The following NTM variants were observed in gnomAD, a reference collection of about 807,000 sequenced individuals.
The protein encoded by NTM is neurotrimin.
Under a neutral mutation model 42.1 loss-of-function variants are expected in NTM, and 13 were observed. The ratio of observed to expected loss-of-function variants is 0.31; its 90% CI spans 0.20 to 0.49. The LOEUF is 0.49. NTM is among the 20% of genes least tolerant of loss of function. The pLI, the probability that NTM is intolerant of heterozygous loss-of-function variation, is 0.99. For missense variants in NTM, 373 were observed against 452.8 expected (o/e 0.82, Z 1.60); for synonymous variants, 187 against 179.2 (o/e 1.04, Z -0.35).
intron 2 of NTM, among the ~76,000 whole-genome samples, chr11:131,949,874 C>G (rs1443593319): frequency 6.6e-6 from 1 of 151,078 alleles, no homozygotes; most frequent in Non-Finnish European, 1.5e-5. Context: ...ATCCATTCAT[C>G]CTATTGAGAC....
At chr11:131,718,347 C>T (rs572225548) in intron 1 of NTM, among the ~76,000 whole-genome samples, 1 of 152,246 alleles carries the variant, frequency 6.6e-6, no homozygotes, top group South Asian at 2.1e-4. Flanking sequence ...CTTACAAGTG[C>T]CTTTGTGGAA....
rs189095168 is a variant in NTM, at chr11:131,956,180, G to T, written c.167+44532G>T. On this transcript the variant is annotated intron_variant, in intron 2 of 8. Transcript: ENST00000683400. The stretch of plus-strand genomic sequence containing the variant: ...CCCAGTCAGGGCCAGGCGCAGAGAC[G>T]TGGGGAATGCCACGTGCTGATTTCT... Among the ~76,000 whole-genome samples the T allele has an allele frequency of 4.5e-3, 679 of 152,274 alleles. 6 individuals are homozygous for T. Among genetic ancestry groups the T allele is most frequent in the African/African-American group, 0.014 (587 of 41,568 alleles).
chr11:132,174,055 C>T (rs2076459038), intron 3 of NTM, among the ~76,000 whole-genome samples: 1 of 152,154 alleles, frequency 6.6e-6, no homozygotes. Context: ...CCCTGATAGG[C>T]TGCCTTCAAC....
intron 2 of NTM, among the ~76,000 whole-genome samples, chr11:132,142,337 T>A (rs185658121): frequency 6.6e-6 from 1 of 152,196 alleles, no homozygotes; most frequent in East Asian, 1.9e-4. Flanking sequence ...TTAACCACCA[T>A]CCTGAGAGAG....
intron 1 of NTM, among the ~76,000 whole-genome samples, chr11:131,616,778 G>GTGTGTGTGTGTGTGTGTGTGTGT (rs1555166353): frequency 7.0e-6 from 1 of 141,882 alleles, no homozygotes; most frequent in African/African-American, 2.7e-5. Context: ...GTCTTGAGGG[G>GTGTGTGTGTGTGTGTGTGTGTGT]GTGTGTGTGT....
chr11:132,324,454 C>A, intron 7 of NTM, among the ~76,000 whole-genome samples: 1 of 150,870 alleles, frequency 6.6e-6, no homozygotes. Context: ...ACCTAGGAAT[C>A]CAACTTACAA....
intron 1 of NTM, among the ~76,000 whole-genome samples, chr11:131,448,040 C>A (rs1017254516): frequency 2.0e-5 from 3 of 152,250 alleles, no homozygotes; most frequent in African/African-American, 7.2e-5. Flanking sequence ...GTTGCACCCC[C>A]ACCCTGCCCT....
intron 1 of NTM, among the ~76,000 whole-genome samples, chr11:131,419,949 T>C (rs894597275): frequency 1.3e-5 from 2 of 152,156 alleles, no homozygotes; most frequent in African/African-American, 2.4e-5. Context: ...AGGATTCTGC[T>C]AGGCAGCCAT....
chr11:131,391,644 G>GAAAAAAAAAAAAAAA (rs5795723), intron 1 of NTM, among the ~76,000 whole-genome samples: 15 of 81,550 alleles, frequency 1.8e-4, no homozygotes, highest in East Asian at 7.2e-4. Context: ...TTTTATCTGG[G>GAAAAAAAAAAAAAAA]AAAAAAAAAA....
chr11:132,169,829 A>G (rs1046874190), intron 3 of NTM, among the ~76,000 whole-genome samples: 8 of 152,130 alleles, frequency 5.3e-5, no homozygotes, highest in Admixed American at 1.3e-4. Flanking sequence ...AGCTGTGCCT[A>G]TCTCCCTGTC....
intron 2 of NTM, among the ~76,000 whole-genome samples, chr11:132,013,324 G>A (rs1326386841): frequency 2.6e-5 from 4 of 152,140 alleles, no homozygotes; most frequent in African/African-American, 9.7e-5. Flanking sequence ...GAACTGAAAA[G>A]AAGCCGTTAA....
At chr11:132,015,207 G>C (rs1245612328) in intron 2 of NTM, among the ~76,000 whole-genome samples, 1 of 151,644 alleles carries the variant, frequency 6.6e-6, no homozygotes, top group African/African-American at 2.4e-5. Flanking sequence ...GCCATAAATG[G>C]GTGGATTTAT....
At chr11:131,975,506 C>G (rs956115708) in intron 2 of NTM, among the ~76,000 whole-genome samples, 1 of 151,968 alleles carries the variant, frequency 6.6e-6, no homozygotes, top group Non-Finnish European at 1.5e-5. Flanking sequence ...AAAGCCTAGT[C>G]TTCTAGATTT....
chr11:132,226,557 G>GT (rs1473097141), intron 4 of NTM, among the ~76,000 whole-genome samples: 4 of 152,002 alleles, frequency 2.6e-5, no homozygotes, highest in African/African-American at 9.7e-5. Context: ...TGATGGGGTT[G>GT]TTTTTTTCTT....
chr11:131,923,282 T>C (rs1486507557), intron 2 of NTM, among the ~76,000 whole-genome samples: 2 of 152,250 alleles, frequency 1.3e-5, no homozygotes, highest in Non-Finnish European at 2.9e-5. Context: ...CTCTCATTTA[T>C]AGTGATTACA....
At chr11:131,876,079 A>G (rs539656058) in intron 1 of NTM, among the ~76,000 whole-genome samples, 2 of 152,334 alleles carry the variant, frequency 1.3e-5, no homozygotes, top group South Asian at 4.1e-4. Context: ...GAAGGGGGAT[A>G]AAGTAGATTT....
intron 1 of NTM, among the ~76,000 whole-genome samples, chr11:131,725,680 G>A (rs190249566): frequency 4.4e-4 from 67 of 152,314 alleles, no homozygotes; most frequent in African/African-American, 1.5e-3. Context: ...AAACGGGGAA[G>A]CAATGCACCT....
At position 132,028,379 on chromosome 11, in the gene NTM, C is replaced by A. The variant is rs943483508; in HGVS notation, c.167+116731C>A. Among the ~76,000 whole-genome samples the A allele has an allele frequency of 2.6e-5, 4 of 151,974 alleles. No individual in the cohort carries two copies. In the East Asian group the frequency reaches 7.8e-4, roughly 29 times the overall value. On this transcript the variant is annotated intron_variant, in intron 2 of 8. Coordinates refer to ENST00000683400, the MANE Select transcript of NTM (RefSeq NM_001352005.2). ...AAGTTTTATGTTTCTGGCTAGGGAT[C>A]AAGCTGTAATTATTGCTTGTTGTAA... is the stretch of plus-strand genomic sequence containing the variant.
chr11:132,252,339 C>G (rs904018491), intron 4 of NTM, among the ~76,000 whole-genome samples: 2 of 152,144 alleles, frequency 1.3e-5, no homozygotes, highest in Admixed American at 1.3e-4. Flanking sequence ...ATTTGATGAG[C>G]TTGATATAGC....
Sources: gnomAD v4.1 joint callset for allele counts (sites outside exome capture counted in the v4.1 genomes callset) on GRCh38, gnomAD v4.1.1 for gene constraint, MANE v1.5 for transcripts, NCBI Gene and HGNC (gene_info 2026-07-23, HGNC 2026-07-21) for gene names.